Variants in MAGI1 observed in about 807,000 individuals in gnomAD.
MAGI1 encodes the protein membrane associated guanylate kinase, WW and PDZ domain containing 1, also known as membrane-associated guanylate kinase, WW and PDZ domain-containing protein 1.
MAGI1 carries 58 observed loss-of-function variants against 139.9 expected under a neutral mutation model. That is an observed-to-expected ratio of 0.41 (90% CI 0.34 to 0.52). The LOEUF is 0.52. Among genes scored for constraint, MAGI1 ranks in the 20% least tolerant of loss-of-function variants. The pLI is 0.12. For missense variants in MAGI1, 1,874 were observed against 1,901.6 expected, an observed-to-expected ratio of 0.99 and a Z score of 0.27; for synonymous variants, 812 against 737.9, an observed-to-expected ratio of 1.10 and a Z score of -1.63.
At chr3:65,391,821 T>C (rs1011405131) in intron 13 of MAGI1, among the ~76,000 whole-genome samples, 1 of 152,130 alleles carries the variant, frequency 6.6e-6, no homozygotes, top group South Asian at 2.1e-4. Context: ...AATAATAAAA[T>C]ACCCAATTCC....
At chr3:65,869,633 T>C (rs1411240462) in intron 1 of MAGI1, among the ~76,000 whole-genome samples, 2 of 151,874 alleles carry the variant, frequency 1.3e-5, no homozygotes, top group South Asian at 2.1e-4. Context: ...ATCTCCTGAC[T>C]TTGTGATCCG....
chr3:65,908,295 T>C (rs888080552), intron 1 of MAGI1, among the ~76,000 whole-genome samples: 6 of 151,942 alleles, frequency 3.9e-5, no homozygotes, highest in African/African-American at 1.4e-4. Context: ...CTGTCCACAA[T>C]AATCCTTAAT....
At chr3:65,457,712 C>T (rs1419684459) in intron 5 of MAGI1, among the ~76,000 whole-genome samples, 2 of 152,046 alleles carry the variant, frequency 1.3e-5, no homozygotes, top group South Asian at 2.1e-4. Flanking sequence ...GTAGAAGATA[C>T]TTCGATACAG....
rs530854002 is a variant in MAGI1, at chr3:65,500,683, T to C, written c.431-7052A>G. On this transcript the variant is annotated intron_variant, in intron 2 of 22. Transcript: ENST00000402939. ...CCACTGCTTCACCTTCCCAACGCCA[T>C]GCGGTTTCAAGATGTTGAGATCTCA... Among the ~76,000 whole-genome samples, 3 of 152,332 alleles carry C rather than the reference T, an allele frequency of 2.0e-5. No individual in the cohort carries two copies. In the East Asian group the frequency reaches 5.8e-4, roughly 29 times the overall value.
At chr3:65,580,053 C>A (rs997870194) in intron 2 of MAGI1, among the ~76,000 whole-genome samples, 3 of 152,070 alleles carry the variant, frequency 2.0e-5, no homozygotes, top group African/African-American at 4.8e-5. Flanking sequence ...ATCCCAAGTC[C>A]AGGACTTAAC....
chr3:65,468,947 C>CAATAAATAAATAAATG (rs1950364971), intron 5 of MAGI1, among the ~76,000 whole-genome samples: 1 of 134,714 alleles, frequency 7.4e-6, no homozygotes, highest in Non-Finnish European at 1.6e-5. Context: ...GGAAGGGAAA[C>CAATAAATAAATAAATG]AATAAATAAA....
At chr3:65,413,240 C>A (rs1035629471) in intron 12 of MAGI1, among the ~76,000 whole-genome samples, 2 of 152,148 alleles carry the variant, frequency 1.3e-5, no homozygotes, top group Non-Finnish European at 2.9e-5. Context: ...CATTGTTTGG[C>A]AATTTCAATT....
intron 1 of MAGI1, among the ~76,000 whole-genome samples, chr3:65,719,768 A>T (rs2032780415): frequency 6.6e-6 from 1 of 152,112 alleles, no homozygotes. Context: ...GCTGGTCTCA[A>T]ACTCCTGGGC....
chr3:65,911,041 A>C (rs1463666915), intron 1 of MAGI1, among the ~76,000 whole-genome samples: 1 of 151,168 alleles, frequency 6.6e-6, no homozygotes, highest in Non-Finnish European at 1.5e-5. Flanking sequence ...TATTCTGAAT[A>C]GAGACGGGGT....
At chr3:65,938,752 T>C (rs571870125) in intron 1 of MAGI1, among the ~76,000 whole-genome samples, 1 of 152,238 alleles carries the variant, frequency 6.6e-6, no homozygotes, top group Non-Finnish European at 1.5e-5. Flanking sequence ...GATTTATTTA[T>C]AGTTTTCCTG....
intron 1 of MAGI1, among the ~76,000 whole-genome samples, chr3:65,758,162 T>G (rs1282070683): frequency 6.6e-6 from 1 of 152,160 alleles, no homozygotes; most frequent in Non-Finnish European, 1.5e-5. Context: ...CCTAGTTGGT[T>G]CTTTTCAGAG....
At chr3:65,688,301 T>C (rs2088251522) in intron 1 of MAGI1, 1 of 815,402 alleles carries the variant, frequency 1.2e-6, no homozygotes, top group Non-Finnish European at 2.1e-6. Context: ...GCCAGGAGGG[T>C]GATGCCAGAC....
chr3:65,702,393 G>A (rs2089675292), intron 1 of MAGI1, among the ~76,000 whole-genome samples: 3 of 152,122 alleles, frequency 2.0e-5, no homozygotes, highest in Non-Finnish European at 4.4e-5. Flanking sequence ...AATTTATCAT[G>A]GGACCATGTG....
chr3:65,987,092 G>A (rs1186935057), intron 1 of MAGI1, among the ~76,000 whole-genome samples: 2 of 152,058 alleles, frequency 1.3e-5, no homozygotes, highest in East Asian at 1.9e-4. Flanking sequence ...GACTGGTCTC[G>A]AACTCCTGAC....
Position 65,382,032 on chromosome 3 carries a change from T to A in MAGI1, c.2546A>T (p.Asp849Val), listed in dbSNP as rs753798139. ...TCCAGACCTCAGGCGGCCGTCAGTA[T>A]CAGCAGCACCCAGTGGTACGATGTG... Reference protein sequence around the residue: ...IGHIVPLGAADTDGRLRSGDE... With the variant: ...IGHIVPLGAAVTDGRLRSGDE... The change falls in exon 16 of 23, where the codon GAT (aspartate) becomes GTT (valine). Residue 849 changes from aspartate (D) to valine (V), a missense_variant. By Grantham distance (152) the Asp-to-Val change is radical. Coordinates refer to ENST00000402939, the MANE Select transcript of MAGI1 (RefSeq NM_001033057.2). 3.7e-6 allele frequency: 6 copies of A among 1,613,828 alleles called. No homozygotes were observed. The highest frequency in any genetic ancestry group is 1.3e-5 in the African/African-American group (1 of 74,910).
At chr3:65,916,649 T>C (rs537231539) in intron 1 of MAGI1, among the ~76,000 whole-genome samples, 2 of 152,230 alleles carry the variant, frequency 1.3e-5, no homozygotes, top group East Asian at 3.9e-4. Flanking sequence ...GGAGCTACAA[T>C]TAAAAATGAG....
chr3:65,640,130 C>T (rs377509089), intron 1 of MAGI1, among the ~76,000 whole-genome samples: 1 of 152,186 alleles, frequency 6.6e-6, no homozygotes, highest in East Asian at 1.9e-4. Context: ...ATCAGCTCCT[C>T]TGGGTCTTCA....
intron 1 of MAGI1, among the ~76,000 whole-genome samples, chr3:65,946,281 A>C (rs2063541205): frequency 6.6e-6 from 1 of 152,348 alleles, no homozygotes; most frequent in East Asian, 1.9e-4. Flanking sequence ...ACACAAGTTA[A>C]AGAACTTTCG....
chr3:65,661,743 C>CTT (rs1490505447), intron 1 of MAGI1, among the ~76,000 whole-genome samples: 6 of 101,176 alleles, frequency 5.9e-5, no homozygotes, highest in Admixed American at 1.3e-4. Flanking sequence ...TTGTTTTTTT[C>CTT]TGTTTTTTTT....
Sources: allele counts gnomAD v4.1 joint callset (sites outside exome capture counted in the v4.1 genomes callset), GRCh38; gene constraint gnomAD v4.1.1; transcripts MANE v1.5; gene names NCBI Gene and HGNC (gene_info 2026-07-23, HGNC 2026-07-21).